NPHP1: variants seen among roughly 807,000 people sequenced by gnomAD.
NPHP1 encodes nephrocystin-1.
A neutral mutation model predicts 90.4 loss-of-function variants in NPHP1; 70 were observed. The observed-to-expected ratio is 0.77, with a 90% CI of 0.64 to 0.95. The LOEUF (loss-of-function observed/expected upper bound fraction) is 0.95, where lower values mean the gene tolerates loss of function less well. Among genes scored for constraint, NPHP1 ranks in the 40% least tolerant of loss-of-function variants. The pLI, the probability that NPHP1 is intolerant of heterozygous loss-of-function variation, is 0.00. For synonymous variants in NPHP1, 256 were observed against 271.7 expected, an observed-to-expected ratio of 0.94 and a Z score of 0.57; for missense variants, 764 against 795.9, an observed-to-expected ratio of 0.96 and a Z score of 0.48.
chr2:110,176,039 C>G (rs981502066), intron 4 of NPHP1, among the ~76,000 whole-genome samples: 6 of 135,348 alleles, frequency 4.4e-5, no homozygotes, highest in Non-Finnish European at 9.9e-5. Context: ...CCAGAATTTT[C>G]ATTTTGGTCT....
rs1199701715 is a variant in NPHP1 at position 110,131,776 on chromosome 2, T to C, written c.1545A>G (p.Thr515=). The C allele has an allele frequency of 1.2e-6, 2 of 1,603,772 alleles. No individual in the cohort carries two copies. The highest frequency in any genetic ancestry group is 1.7e-6 in the Non-Finnish European group (2 of 1,170,894). The change falls in exon 17 of 20, where the codon ACA becomes ACG. Residue 515 remains threonine (T), a synonymous_variant. Coordinates refer to ENST00000445609, the MANE Select transcript of NPHP1 (RefSeq NM_001128178.3). The part of the protein sequence containing the change: ...SRNVLSLLPE[T]LIGNMCSIHL... Reference sequence around the variant, plus strand: ...GAATAGAACACATATTTCCAATTAATGTTTCTGGCAGTAGACTATTAAAGA... The same window carrying C: ...GAATAGAACACATATTTCCAATTAACGTTTCTGGCAGTAGACTATTAAAGA...
intron 3 of NPHP1, among the ~76,000 whole-genome samples, chr2:110,179,328 C>A (rs1455026463): frequency 1.3e-5 from 2 of 152,144 alleles, no homozygotes; most frequent in South Asian, 4.1e-4. Context: ...TAATTCTAAA[C>A]TGTAAAACAA....
intron 17 of NPHP1, among the ~76,000 whole-genome samples, chr2:110,130,203 G>T (rs920672682): frequency 6.6e-6 from 1 of 152,156 alleles, no homozygotes; most frequent in Non-Finnish European, 1.5e-5. Flanking sequence ...TTGGTAACAT[G>T]AATTTTAGAT....
chr2:110,124,169 T>C, intron 19 of NPHP1, 106 bp from the exon 20 acceptor site: 1 of 1,303,282 alleles, frequency 7.7e-7, no homozygotes, highest in Non-Finnish European at 1.1e-6. Flanking sequence ...GAGGGTGCCA[T>C]TAGTGCCTGG....
At chr2:110,135,319 T>C (rs1210118362) in intron 16 of NPHP1, among the ~76,000 whole-genome samples, 2 of 151,206 alleles carry the variant, frequency 1.3e-5, no homozygotes, top group Non-Finnish European at 2.9e-5. Context: ...CTACTAAAAA[T>C]ACAAAAAATT....
intron 4 of NPHP1, among the ~76,000 whole-genome samples, chr2:110,172,129 T>A (rs1372756062): frequency 6.6e-6 from 1 of 152,192 alleles, no homozygotes; most frequent in Non-Finnish European, 1.5e-5. Flanking sequence ...TCAATTTTAG[T>A]ACATTTTCTT....
Position 110,180,388 on chromosome 2 carries a change from T to A in NPHP1, c.144-704A>T, listed in dbSNP as rs144761207. Among the ~76,000 whole-genome samples, 244 of 150,882 alleles carry A rather than the reference T, an allele frequency of 1.6e-3. 1 individual carries two copies. Among genetic ancestry groups the A allele is most frequent in the African/African-American group, 5.6e-3 (230 of 41,222 alleles). The stretch of plus-strand genomic sequence containing the variant: ...GCTATAGCTCATGATGAGATTTTTT[T>A]AATTCAAATGCTTTACTAAACAATA... On this transcript the variant is annotated intron_variant, in intron 2 of 19. Coordinates refer to ENST00000445609, the MANE Select transcript of NPHP1 (RefSeq NM_001128178.3).
At chr2:110,172,472 A>C (rs1398444050) in intron 4 of NPHP1, among the ~76,000 whole-genome samples, 1 of 151,798 alleles carries the variant, frequency 6.6e-6, no homozygotes, top group East Asian at 1.9e-4. Flanking sequence ...TTTTTTTCAA[A>C]CTATACATTT....
At chr2:110,152,757 C>T (rs1410017519) in intron 11 of NPHP1, among the ~76,000 whole-genome samples, 1 of 151,952 alleles carries the variant, frequency 6.6e-6, no homozygotes, top group African/African-American at 2.4e-5. Flanking sequence ...CATCTTAGAT[C>T]AAGAACTCTA....
intron 16 of NPHP1, among the ~76,000 whole-genome samples, chr2:110,141,935 T>A (rs1680667738): frequency 7.0e-6 from 1 of 142,352 alleles, no homozygotes; most frequent in Admixed American, 7.4e-5. Flanking sequence ...ATGGTGCCAC[T>A]GCACTCCAGC....
intron 2 of NPHP1, among the ~76,000 whole-genome samples, chr2:110,192,966 T>C (rs904688910): frequency 2.0e-5 from 3 of 152,144 alleles, no homozygotes; most frequent in Non-Finnish European, 2.9e-5. Flanking sequence ...TGAGAGATTT[T>C]GTCACCACCA....
At position 110,160,181 on chromosome 2, in the gene NPHP1, C is replaced by G. The variant is rs757945008; in HGVS notation, c.1029G>C (p.Met343Ile). Residue 343 changes from methionine to isoleucine, a missense_variant, in exon 11 of 20, where the codon ATG becomes ATC. Transcript: ENST00000445609. The stretch of plus-strand genomic sequence containing the variant: ...CATGTCTGCTGAGAACCTGTATGCT[C>G]ATTCCTGGAAGAGGAATCATTTTAC... ...WSCKMIPLPG[M>I]SIQVLSRHVR... The G allele has an allele frequency of 6.2e-7, 1 of 1,612,176 alleles. No individual in the cohort carries two copies. Among genetic ancestry groups the G allele is most frequent in the East Asian group, 2.2e-5 (1 of 44,788 alleles).
chr2:110,137,127 A>C (rs1163390028), intron 16 of NPHP1, among the ~76,000 whole-genome samples: 4 of 152,126 alleles, frequency 2.6e-5, no homozygotes, highest in Admixed American at 2.6e-4. Context: ...CCATATGTAG[A>C]AAGCTGAAAC....
intron 4 of NPHP1, among the ~76,000 whole-genome samples, chr2:110,172,238 AT>A (rs777928928): frequency 1.3e-5 from 2 of 151,708 alleles, no homozygotes; most frequent in East Asian, 1.9e-4. Flanking sequence ...ATCTGTATTG[AT>A]TTTTTTTCTC....
chr2:110,156,171 C>T (rs13424486), intron 11 of NPHP1, among the ~76,000 whole-genome samples: 47,339 of 151,282 alleles, frequency 0.31, 8,004 homozygotes, highest in East Asian at 0.58. Context: ...TCCCAGGTCC[C>T]GGTTCAAGCA....
chr2:110,190,774 C>T (rs1574189695), intron 2 of NPHP1, among the ~76,000 whole-genome samples: 2 of 152,290 alleles, frequency 1.3e-5, no homozygotes, highest in East Asian at 1.9e-4. Flanking sequence ...TCAGAATGAA[C>T]AGACAACCTA....
chr2:110,165,209 A>T, intron 6 of NPHP1, 54 bp from the exon 7 acceptor site: 1 of 1,365,728 alleles, frequency 7.3e-7, no homozygotes, highest in Non-Finnish European at 1.0e-6. Flanking sequence ...AAAACAACCA[A>T]TAAAAATACC....
chr2:110,150,570 G>A (rs181799298), intron 11 of NPHP1, among the ~76,000 whole-genome samples: 2 of 152,056 alleles, frequency 1.3e-5, no homozygotes, highest in East Asian at 3.9e-4. Flanking sequence ...TTTGTTTAGA[G>A]AAGGAGTCTC....
intron 4 of NPHP1, among the ~76,000 whole-genome samples, chr2:110,171,150 G>C (rs1424345058): frequency 1.3e-5 from 2 of 152,048 alleles, no homozygotes; most frequent in Non-Finnish European, 2.9e-5. Context: ...GAGAAAGGAG[G>C]TGAATCTGAG....
Sources: allele counts gnomAD v4.1 joint callset (sites outside exome capture counted in the v4.1 genomes callset), GRCh38; gene constraint gnomAD v4.1.1; transcripts MANE v1.5; gene names NCBI Gene and HGNC (gene_info 2026-07-23, HGNC 2026-07-21).